The following ZMYND12 variants were observed in gnomAD, a reference collection of about 807,000 sequenced individuals.
ZMYND12 encodes zinc finger MYND-type containing 12.
A neutral mutation model predicts 41.7 loss-of-function variants in ZMYND12; 32 were observed. The observed-to-expected ratio is 0.77, with a 90% CI of 0.58 to 1.03. The LOEUF (loss-of-function observed/expected upper bound fraction) is 1.03. Ranked by LOEUF, ZMYND12 falls within the 50% of genes least tolerant of loss-of-function variation. ZMYND12 has a pLI of 0.00. For synonymous variants in ZMYND12, 148 were observed against 164.8 expected (o/e 0.90, Z 0.78); for missense variants, 424 against 438.5 (o/e 0.97, Z 0.30).
chr1:42,446,148 A>G (rs4525078), intron 3 of ZMYND12, among the ~76,000 whole-genome samples: 58,227 of 151,926 alleles, frequency 0.38, 11,637 homozygotes, highest in East Asian at 0.59. Context: ...TGGAGCGGGA[A>G]GAGGTATCTA....
chr1:42,443,629 A>G (rs925473226), intron 3 of ZMYND12, among the ~76,000 whole-genome samples: 2 of 152,218 alleles, frequency 1.3e-5, no homozygotes, highest in Non-Finnish European at 2.9e-5. Flanking sequence ...TATTTATTGA[A>G]GACCTGTTAT....
intron 4 of ZMYND12, among the ~76,000 whole-genome samples, chr1:42,439,152 A>G (rs1006166346): frequency 1.3e-5 from 2 of 152,224 alleles, no homozygotes; most frequent in African/African-American, 4.8e-5. Context: ...ACCCAGTGAG[A>G]CAGAGACTAT....
At position 42,446,132 on chromosome 1, in the gene ZMYND12, G is replaced by C. The variant is rs1404545998; in HGVS notation, c.424+2335C>G. Reference sequence around the variant, plus strand: ...GAGGCAGCCTGGAATGGGGAGTCAGGGCCCATGGAGCGGGAAGAGGTATCT... The same window carrying C: ...GAGGCAGCCTGGAATGGGGAGTCAGCGCCCATGGAGCGGGAAGAGGTATCT... On this transcript the variant is annotated intron_variant, in intron 3 of 7. Coordinates refer to ENST00000372565, the MANE Select transcript of ZMYND12 (RefSeq NM_032257.5). Among the ~76,000 whole-genome samples the C allele has an allele frequency of 2.4e-4, 37 of 152,154 alleles. 1 individual carries two copies. Among genetic ancestry groups the C allele is most frequent in the Admixed American group, 2.4e-3 (37 of 15,284 alleles).
Position 42,433,172 on chromosome 1 carries a change from A to G in ZMYND12, c.946T>C (p.Phe316Leu), listed in dbSNP as rs1034268. The change falls in exon 7 of 8, where the codon TTT (phenylalanine) becomes CTT (leucine). Residue 316 changes from phenylalanine to leucine, a missense_variant. Physicochemically the swap from Phe to Leu is conservative, Grantham distance 22. Coordinates refer to ENST00000372565, the MANE Select transcript of ZMYND12 (RefSeq NM_032257.5). Reference protein sequence around the residue: ...TIFVLKILVMFYYLMMNSSKA... With the variant: ...TIFVLKILVMLYYLMMNSSKA... ...GAAGAATTCATCATCAGGTAGTAAA[A>G]CATGACCAGGATCTTCAGAACAAAG... The G allele has an allele frequency of 0.67, 1,071,763 of 1,609,532 alleles. 358,089 individuals carry two copies. The highest frequency in any genetic ancestry group is 0.74 in the South Asian group (66,134 of 89,942).
At chr1:42,432,028 C>T (rs1031015395) in intron 7 of ZMYND12, among the ~76,000 whole-genome samples, 4 of 149,772 alleles carry the variant, frequency 2.7e-5, no homozygotes, top group Non-Finnish European at 5.9e-5. Flanking sequence ...ACTGCTTTTT[C>T]TTCTTCTTCT....
In ZMYND12 at chr1:42,455,926, G is replaced by C. The variant is rs1643168201; in HGVS notation, c.72C>G (p.Ala24=). 1 of 1,613,748 alleles carries C rather than the reference G, an allele frequency of 6.2e-7. No individual in the cohort carries two copies. The highest frequency in any genetic ancestry group is 1.7e-5 in the Admixed American group (1 of 60,006). Residue 24 remains alanine, a synonymous_variant, in exon 1 of 8, where the codon GCC becomes GCG. Coordinates refer to ENST00000372565, the MANE Select transcript of ZMYND12 (RefSeq NM_032257.5). ...CTGTGCAGGCCGCGCACACCCGCTC[G>C]GCTGGGGCTTCGCACACCTCACAGC... ...RLCCEVCEAP[A]ERVCAACTVT...
chr1:42,433,370 GC>G, intron 6 of ZMYND12, 82 bp from the exon 7 acceptor site: 1 of 1,466,296 alleles, frequency 6.8e-7, no homozygotes, highest in Non-Finnish European at 9.0e-7. Context: ...CTGTTAAAGC[GC>G]CTGGTCTGCT....
In ZMYND12 at chr1:42,436,463, A is replaced by G. The variant is rs1642908736; in HGVS notation, c.675T>C (p.Tyr225=). 1 of 1,613,714 alleles carries G rather than the reference A, an allele frequency of 6.2e-7. No homozygotes were observed. Among genetic ancestry groups the G allele is most frequent in the South Asian group, 1.1e-5 (1 of 91,088 alleles). The change falls in exon 5 of 8, where the codon TAT becomes TAC. Residue 225 remains tyrosine (Y), a synonymous_variant. Coordinates refer to ENST00000372565, the MANE Select transcript of ZMYND12 (RefSeq NM_032257.5). The stretch of plus-strand genomic sequence containing the variant: ...CTGCCAGGTCCAACTTTTTAAGGTC[A>G]TAGAATATATTAGCCAGGTGGAAGT... The part of the protein sequence containing the change: ...GGYFHLANIF[Y]DLKKLDLADT...
In ZMYND12 at chr1:42,439,723, C is replaced by T; in HGVS notation, c.594+133G>A. 5.2e-6 allele frequency: 5 copies of T among 958,594 alleles called. No homozygotes were observed. In the South Asian group the frequency reaches 7.9e-5, roughly 15 times the overall value. 59.4% of individuals were successfully genotyped at this position (958,594 alleles called of 1,614,324 possible). On this transcript the variant is annotated intron_variant, in intron 4 of 7. Transcript: ENST00000372565. ...AATTGTGTTATGGCTAACATCCCAC[C>T]AAATAATCAGTTGTAAACAGAAAGT...
At chr1:42,448,660 T>C in intron 2 of ZMYND12, 22 bp from the exon 3 acceptor site, 1 of 1,585,488 alleles carries the variant, frequency 6.3e-7, no homozygotes, top group Non-Finnish European at 8.6e-7. Flanking sequence ...AGAAACAGAC[T>C]ATCTGAGACA....
intron 4 of ZMYND12, among the ~76,000 whole-genome samples, chr1:42,438,651 T>C (rs1490752467): frequency 1.3e-5 from 2 of 151,644 alleles, no homozygotes; most frequent in Non-Finnish European, 2.9e-5. Context: ...TCCATAGAGG[T>C]TGTGTAGTCC....
chr1:42,448,998 C>T (rs2148409787), intron 2 of ZMYND12, among the ~76,000 whole-genome samples: 1 of 152,302 alleles, frequency 6.6e-6, no homozygotes, highest in Middle Eastern at 3.4e-3. Flanking sequence ...TTCTGCCTTC[C>T]TAGTTGAGTT....
intron 3 of ZMYND12, among the ~76,000 whole-genome samples, chr1:42,444,802 C>CTTT (rs34129195): frequency 2.6e-4 from 32 of 124,534 alleles, no homozygotes; most frequent in South Asian, 5.3e-4. Flanking sequence ...AGGAGTAGTT[C>CTTT]TTTTTTTTTT....
Position 42,450,057 on chromosome 1 carries a change from C to A in ZMYND12, c.113G>T (p.Gly38Val). Residue 38 changes from glycine to valine, a missense_variant and splice_region_variant, in exon 2 of 8, where the codon GGG becomes GTG. Gly to Val is a moderately radical substitution (Grantham distance 109). Transcript: ENST00000372565. ...CAACTVTYYC[G>V]VVHQKADWDS... ...CCAGTCAGCCTTCTGATGTACCACC[C>A]CACTGACAACGGAAACATAGACTTT... 6.2e-7 allele frequency: 1 copy of A among 1,613,466 alleles called. No homozygotes were observed. Among genetic ancestry groups the A allele is most frequent in the Non-Finnish European group, 8.5e-7 (1 of 1,179,980 alleles).
intron 3 of ZMYND12, among the ~76,000 whole-genome samples, chr1:42,442,470 T>C (rs944897633): frequency 1.3e-5 from 2 of 152,206 alleles, no homozygotes; most frequent in Non-Finnish European, 2.9e-5. Flanking sequence ...CACTTAAAGC[T>C]TTTTGTGTAT....
chr1:42,440,058 A>G, intron 3 of ZMYND12, 33 bp from the exon 4 acceptor site: 1 of 1,561,156 alleles, frequency 6.4e-7, no homozygotes. Context: ...GTTATAATTC[A>G]TATCCAGGCC....
intron 7 of ZMYND12, among the ~76,000 whole-genome samples, chr1:42,432,060 C>CCTT (rs1642858926): frequency 7.5e-6 from 1 of 132,968 alleles, no homozygotes; most frequent in Non-Finnish European, 1.6e-5. Context: ...TTTTCTTTTT[C>CCTT]TTTTTTTTTT....
At chr1:42,440,330 C>T (rs1352604813) in intron 3 of ZMYND12, among the ~76,000 whole-genome samples, 1 of 152,174 alleles carries the variant, frequency 6.6e-6, no homozygotes, top group African/African-American at 2.4e-5. Flanking sequence ...AGTAGTGCTA[C>T]CTGCTATAAT....
rs1284909414 is a variant in ZMYND12 at position 42,433,160 on chromosome 1, T to A, written c.958A>T (p.Met320Leu). The part of the protein sequence containing the change: ...LKILVMFYYL[M>L]MNSSKAQEYG... Reference sequence around the variant, plus strand: ...AAACTTGCCTTTGAAGAATTCATCATCAGGTAGTAAAACATGACCAGGATC... The same window carrying A: ...AAACTTGCCTTTGAAGAATTCATCAACAGGTAGTAAAACATGACCAGGATC... The change falls in exon 7 of 8, where the codon ATG (methionine) becomes TTG (leucine). Residue 320 changes from methionine (M) to leucine (L), a missense_variant. By Grantham distance (15) the Met-to-Leu change is conservative. Coordinates refer to ENST00000372565, the MANE Select transcript of ZMYND12 (RefSeq NM_032257.5). 1 of 1,609,820 alleles carries A rather than the reference T, an allele frequency of 6.2e-7. No homozygotes were observed. Among genetic ancestry groups the A allele is most frequent in the Admixed American group, 1.7e-5 (1 of 59,056 alleles).
Sources: gnomAD v4.1 joint callset for allele counts (sites outside exome capture counted in the v4.1 genomes callset) on GRCh38, gnomAD v4.1.1 for gene constraint, MANE v1.5 for transcripts, NCBI Gene and HGNC (gene_info 2026-07-23, HGNC 2026-07-21) for gene names.